ITGA11: variants seen among roughly 807,000 people sequenced by gnomAD.
ITGA11 encodes the protein integrin alpha-11.
A neutral mutation model predicts 141.9 loss-of-function variants in ITGA11; 97 were observed. The observed-to-expected ratio is 0.68, with a 90% confidence interval of 0.58 to 0.81. The LOEUF is 0.81. Ranked by LOEUF, ITGA11 falls within the 30% of genes least tolerant of loss-of-function variation. The probability of loss-of-function intolerance (pLI) is 0.00; values close to 1 mark genes in which losing one functional copy is unlikely to be tolerated. For missense variants in ITGA11, 1,387 were observed against 1,559.2 expected (o/e 0.89, Z 1.86); for synonymous variants, 658 against 624.6 (o/e 1.05, Z -0.80).
In ITGA11 at chr15:68,302,665, A is replaced by C. The variant is rs1239538125; in HGVS notation, c.*394T>G. 3 of 190,386 alleles carry C rather than the reference A, an allele frequency of 1.6e-5. No homozygotes were observed. Among genetic ancestry groups the C allele is most frequent in the Admixed American group, 1.2e-4 (2 of 16,008 alleles). The allele number at this position is 190,386 out of a possible 1,614,324, so 11.8% of individuals were successfully genotyped here. ...CTGGAACTAGAGGCCTGGAGTGTGC[A>C]GATTGGGTTCGTATTTACAGTCTTC... On this transcript the variant is annotated 3_prime_UTR_variant, in exon 30 of 30. Coordinates refer to ENST00000315757, the MANE Select transcript of ITGA11 (RefSeq NM_001004439.2).
In ITGA11 at chr15:68,303,756, C is replaced by G; in HGVS notation, c.3495+16G>C. 6.4e-7 allele frequency: 1 copy of G among 1,573,922 alleles called. No individual in the cohort carries two copies. The highest frequency in any genetic ancestry group is 8.7e-7 in the Non-Finnish European group (1 of 1,146,776). On this transcript the variant is annotated intron_variant, in intron 29 of 29. Transcript: ENST00000315757. This position sits in a 1 kb window ranked among gnomAD's most constrained non-coding sequence, Gnocchi z 5.3. ...GCCAGGATGCTGCTCCTTCCCTCCC[C>G]TGCCAGGGCCCTCACCTTCCACAGT...
At chr15:68,350,173 T>G (rs545496486) in intron 9 of ITGA11, among the ~76,000 whole-genome samples, 1 of 152,080 alleles carries the variant, frequency 6.6e-6, no homozygotes, top group Non-Finnish European at 1.5e-5. Flanking sequence ...TAATACTCAA[T>G]TGTTGGCATT....
chr15:68,317,218 TCCCAGTGCCCA>T, intron 21 of ITGA11, 36 bp downstream of exon 21: 2 of 1,355,468 alleles, frequency 1.5e-6, no homozygotes, highest in South Asian at 2.3e-5. Context: ...TACCTGTGCC[TCCCAGTGCCCA>T]CCCTGACCCT....
chr15:68,378,908 T>C (rs993122272), intron 2 of ITGA11, among the ~76,000 whole-genome samples: 3 of 152,126 alleles, frequency 2.0e-5, no homozygotes, highest in Non-Finnish European at 4.4e-5. Context: ...TCAGCTGACA[T>C]CCAAACAGTG....
In ITGA11 at chr15:68,308,926, C is replaced by T; in HGVS notation, c.3175-1230G>A. On this transcript the variant is annotated intron_variant, in intron 26 of 29. Transcript: ENST00000315757. This position sits in a 1 kb window ranked among gnomAD's most constrained non-coding sequence, Gnocchi z 5.2. ...AACCATTAGCCAACACTATAGACAGCTCAGTTGGCTTAGTTTACATCATTC... is the reference window on the plus strand; with the variant it reads ...AACCATTAGCCAACACTATAGACAGTTCAGTTGGCTTAGTTTACATCATTC... 6.6e-6 allele frequency among the ~76,000 whole-genome samples: 1 copy of T among 152,190 alleles called. No homozygotes were observed. Among genetic ancestry groups the T allele is most frequent in the East Asian group, 1.9e-4 (1 of 5,204 alleles).
At chr15:68,319,068 G>C (rs940269301) in intron 20 of ITGA11, among the ~76,000 whole-genome samples, 1 of 152,240 alleles carries the variant, frequency 6.6e-6, no homozygotes, top group Admixed American at 6.5e-5. Context: ...TGTACCAGAT[G>C]CTATGCGGGC....
chr15:68,432,018 G>T lies in ITGA11; in HGVS notation c.49C>A (p.Pro17Thr), dbSNP rs1897280463. The T allele has an allele frequency of 7.5e-7, 1 of 1,334,218 alleles. No individual in the cohort carries two copies. The highest frequency in any genetic ancestry group is 2.2e-5 in the South Asian group (1 of 44,910). 82.6% of individuals were successfully genotyped at this position (1,334,218 alleles called of 1,614,324 possible). Reference sequence around the variant, plus strand: ...GAGGCAGAGGGTGGGCACCTACCTGGCCACAGGCTGAGCGCCCAGGCCACC... The same window carrying T: ...GAGGCAGAGGGTGGGCACCTACCTGTCCACAGGCTGAGCGCCCAGGCCACC... Reference protein sequence around the residue: ...LVVAWALSLWPGFTDTFNMDT... With the variant: ...LVVAWALSLWTGFTDTFNMDT... The change falls in exon 1 of 30, where the codon CCA becomes ACA. Residue 17 changes from proline to threonine, a missense_variant. Transcript: ENST00000315757.
intron 1 of ITGA11, among the ~76,000 whole-genome samples, chr15:68,417,118 T>G (rs1417958701): frequency 1.3e-5 from 2 of 152,076 alleles, no homozygotes; most frequent in African/African-American, 4.8e-5. Context: ...ACCCCATATT[T>G]CACCCCACCC....
At position 68,331,028 on chromosome 15, in the gene ITGA11, C is replaced by G; in HGVS notation, c.1854G>C (p.Gly618=). Residue 618 remains glycine, a synonymous_variant, in exon 15 of 30, where the codon GGG becomes GGC. Transcript: ENST00000315757. ...IHGQLDLNED[G]LIDLAVGALG... is the part of the protein sequence containing the mutation. ...GGGCTCCCACTGCCAGGTCGATGAG[C>G]CCATCCTCATTGAGGTCCAATTGCC... 6.2e-7 allele frequency: 1 copy of G among 1,613,528 alleles called. No individual in the cohort carries two copies. The highest frequency in any genetic ancestry group is 8.5e-7 in the Non-Finnish European group (1 of 1,179,732).
chr15:68,327,674 A>G (rs548260733), intron 16 of ITGA11, among the ~76,000 whole-genome samples: 29 of 152,056 alleles, frequency 1.9e-4, no homozygotes, highest in African/African-American at 6.8e-4. Flanking sequence ...ACTCACACCC[A>G]CTTCTGAGCG....
chr15:68,318,782 G>C (rs1441957283), intron 20 of ITGA11, among the ~76,000 whole-genome samples: 2 of 152,164 alleles, frequency 1.3e-5, no homozygotes, highest in Non-Finnish European at 2.9e-5. Context: ...GGAGAGGACA[G>C]ACTGGCCTGG....
chr15:68,385,719 G>A (rs1895969871), intron 2 of ITGA11, among the ~76,000 whole-genome samples: 1 of 152,178 alleles, frequency 6.6e-6, no homozygotes, highest in African/African-American at 2.4e-5. Flanking sequence ...TGGAAATGCT[G>A]CAGAAATGGA....
chr15:68,304,566 C>T lies in ITGA11; in HGVS notation c.3382-681G>A, dbSNP rs1893129150. Among the ~76,000 whole-genome samples the T allele has an allele frequency of 6.6e-6, 1 of 152,184 alleles. No homozygotes were observed. Among genetic ancestry groups the T allele is most frequent in the Non-Finnish European group, 1.5e-5 (1 of 68,038 alleles). ...CAGGCCAGCTCCCTCAGTCCTGTGG[C>T]TATCACCGTCTACACGCCGACTGCT... On this transcript the variant is annotated intron_variant, in intron 28 of 29. Coordinates refer to ENST00000315757, the MANE Select transcript of ITGA11 (RefSeq NM_001004439.2). This position sits in a 1 kb window ranked among gnomAD's most constrained non-coding sequence, Gnocchi z 6.1.
chr15:68,299,137 T>G lies in ITGA11; in HGVS notation c.*3922A>C, dbSNP rs181357191. 1 of 152,352 alleles carries G rather than the reference T, an allele frequency of 6.6e-6. No individual in the cohort carries two copies. Among genetic ancestry groups the G allele is most frequent in the Non-Finnish European group, 1.5e-5 (1 of 68,044 alleles). 9.4% of individuals were successfully genotyped at this position (152,352 alleles called of 1,614,324 possible). Reference sequence around the variant, plus strand: ...TTCTGCTTGTACTCTACTTTGGACCTGGTAAGTTTGCTAGGTACGGCTTAG... The same window carrying G: ...TTCTGCTTGTACTCTACTTTGGACCGGGTAAGTTTGCTAGGTACGGCTTAG... On this transcript the variant is annotated 3_prime_UTR_variant, in exon 30 of 30. Transcript: ENST00000315757.
chr15:68,377,635 A>G (rs533282826), intron 2 of ITGA11, among the ~76,000 whole-genome samples: 1 of 152,346 alleles, frequency 6.6e-6, no homozygotes, highest in South Asian at 2.1e-4. Flanking sequence ...GGAAACTACT[A>G]TAGCAGCAGG....
At chr15:68,354,610 G>C (rs1055625566) in intron 7 of ITGA11, among the ~76,000 whole-genome samples, 3 of 152,180 alleles carry the variant, frequency 2.0e-5, no homozygotes. Flanking sequence ...GGAATGTCTT[G>C]TGTGGCACGT....
chr15:68,331,120 C>T lies in ITGA11; in HGVS notation c.1771-9G>A, dbSNP rs144509339. On this transcript the variant is annotated splice_polypyrimidine_tract_variant and intron_variant, in intron 14 of 29. Transcript: ENST00000315757. ...TCTGAGGCTGTGATTCTCTGCAGGGCGCGGGAAGAGAGGGGGAGGGCATGC... is the reference window on the plus strand; with the variant it reads ...TCTGAGGCTGTGATTCTCTGCAGGGTGCGGGAAGAGAGGGGGAGGGCATGC... The T allele has an allele frequency of 0.029, 44,836 of 1,557,862 alleles. 765 individuals are homozygous for T. The highest frequency in any genetic ancestry group is 0.059 in the Middle Eastern group (340 of 5,802).
chr15:68,413,225 C>T (rs934688283), intron 1 of ITGA11, among the ~76,000 whole-genome samples: 2 of 152,084 alleles, frequency 1.3e-5, no homozygotes, highest in Non-Finnish European at 2.9e-5. Flanking sequence ...ACTGCTCTGT[C>T]GAGTTTAAAA....
Position 68,384,593 on chromosome 15 carries a change from G to A in ITGA11, c.165-15309C>T, listed in dbSNP as rs1895939110. 2.6e-5 allele frequency among the ~76,000 whole-genome samples: 4 copies of A among 152,138 alleles called. No homozygotes were observed. In the South Asian group the frequency reaches 8.3e-4, roughly 32 times the overall value. ...CTGGGTGGCTTGGCCTGGGGCCCTG[G>A]GCCAACGTTTCCCCACGAATACAGT... On this transcript the variant is annotated intron_variant, in intron 2 of 29. Transcript: ENST00000315757.
Sources: allele counts gnomAD v4.1 joint callset (sites outside exome capture counted in the v4.1 genomes callset), GRCh38; gene constraint gnomAD v4.1.1; non-coding constraint Gnocchi (gnomAD v3.1); transcripts MANE v1.5; gene names NCBI Gene and HGNC (gene_info 2026-07-23, HGNC 2026-07-21).